Variants in FHIT observed in about 807,000 individuals in gnomAD.
FHIT encodes the protein fragile histidine triad diadenosine triphosphatase.
A neutral mutation model predicts 17.9 loss-of-function variants in FHIT; 19 were observed. The observed-to-expected ratio is 1.06, with a 90% CI of 0.74 to 1.56. The LOEUF (loss-of-function observed/expected upper bound fraction) is 1.56, where lower values mean the gene tolerates loss of function less well. FHIT is among the 40% of genes most tolerant of loss of function. The pLI is 0.00. For synonymous variants in FHIT, 81 were observed against 69.7 expected (o/e 1.16, Z -0.81); for missense variants, 248 against 189.2 (o/e 1.31, Z -1.82).
At chr3:60,061,231 C>T (rs1337772149) in intron 5 of FHIT, among the ~76,000 whole-genome samples, 1 of 152,284 alleles carries the variant, frequency 6.6e-6, no homozygotes, top group East Asian at 1.9e-4. Flanking sequence ...CCATAGGTGC[C>T]ACACAGCGAA....
At chr3:60,482,227 G>A (rs1468995873) in intron 5 of FHIT, among the ~76,000 whole-genome samples, 1 of 152,006 alleles carries the variant, frequency 6.6e-6, no homozygotes, top group Non-Finnish European at 1.5e-5. Flanking sequence ...AATAATAGTG[G>A]GAGACTTTAA....
At chr3:60,134,977 G>T (rs1211595637) in intron 5 of FHIT, among the ~76,000 whole-genome samples, 1 of 152,080 alleles carries the variant, frequency 6.6e-6, no homozygotes. Context: ...AGGAAAAAAG[G>T]GGGGAGGGAG....
Position 61,213,891 on chromosome 3 carries a change from T to C in FHIT, c.-212-13226A>G, listed in dbSNP as rs546604073. ...TCAATTACATGGAAACTGAACAACCTGCTCCTGAATGACTACTGGGTACAT... is the reference window on the plus strand; with the variant it reads ...TCAATTACATGGAAACTGAACAACCCGCTCCTGAATGACTACTGGGTACAT... On this transcript the variant is annotated intron_variant, in intron 1 of 9. Transcript: ENST00000492590. 2.6e-5 allele frequency among the ~76,000 whole-genome samples: 4 copies of C among 152,290 alleles called. No homozygotes were observed. The East Asian group carries it at 7.7e-4, about 29-fold the overall frequency.
chr3:60,137,743 A>AATT (rs2107288589), intron 5 of FHIT, among the ~76,000 whole-genome samples: 1 of 139,372 alleles, frequency 7.2e-6, no homozygotes, highest in African/African-American at 3.1e-5. Flanking sequence ...CAGACAAGTC[A>AATT]GCACTGGATC....
intron 5 of FHIT, chr3:60,080,661 T>G (rs956071437): frequency 6.6e-6 from 1 of 152,066 alleles, no homozygotes; most frequent in Middle Eastern, 3.2e-3. Context: ...CTGAGCCTGT[T>G]TGAATTCATA....
At chr3:59,757,907 G>A (rs574069563) in intron 8 of FHIT, among the ~76,000 whole-genome samples, 2 of 152,064 alleles carry the variant, frequency 1.3e-5, no homozygotes, top group Non-Finnish European at 2.9e-5. Flanking sequence ...ATGAACACAT[G>A]ATATATTCCA....
At chr3:60,945,837 T>C (rs1344783479) in intron 3 of FHIT, among the ~76,000 whole-genome samples, 2 of 152,080 alleles carry the variant, frequency 1.3e-5, no homozygotes, top group Non-Finnish European at 2.9e-5. Flanking sequence ...GGATGGCCAT[T>C]GGAGAGTTGA....
chr3:60,694,974 A>T (rs1553700292), intron 4 of FHIT, among the ~76,000 whole-genome samples: 1 of 152,194 alleles, frequency 6.6e-6, no homozygotes. Flanking sequence ...TGACGGGTTA[A>T]TGGGTGCAGC....
intron 8 of FHIT, among the ~76,000 whole-genome samples, chr3:59,838,070 T>C (rs1701401813): frequency 2.0e-5 from 3 of 152,108 alleles, no homozygotes; most frequent in African/African-American, 7.2e-5. Context: ...TCCATTTTCC[T>C]CACTGCTCTC....
chr3:59,905,042 T>C (rs1704521959), intron 8 of FHIT, among the ~76,000 whole-genome samples: 1 of 152,196 alleles, frequency 6.6e-6, no homozygotes, highest in Admixed American at 6.5e-5. Flanking sequence ...AGTCTGAGGA[T>C]TTAACTTGTA....
At chr3:60,363,732 T>G (rs954632443) in intron 5 of FHIT, among the ~76,000 whole-genome samples, 26 of 152,176 alleles carry the variant, frequency 1.7e-4, no homozygotes, top group African/African-American at 6.3e-4. Flanking sequence ...CTGGCCTCCG[T>G]GAACTCCAAC....
chr3:61,123,565 G>T (rs1039000301), intron 2 of FHIT, among the ~76,000 whole-genome samples: 1 of 152,018 alleles, frequency 6.6e-6, no homozygotes, highest in African/African-American at 2.4e-5. Context: ...GTGATAAGAT[G>T]TTAACATAAA....
chr3:59,795,400 C>G (rs1245287306), intron 8 of FHIT, among the ~76,000 whole-genome samples: 1 of 147,888 alleles, frequency 6.8e-6, no homozygotes. Context: ...AAAAAAATAC[C>G]ATAACATTTT....
At chr3:60,049,223 A>G (rs893716302) in intron 5 of FHIT, among the ~76,000 whole-genome samples, 1 of 152,146 alleles carries the variant, frequency 6.6e-6, no homozygotes, top group African/African-American at 2.4e-5. Context: ...TTCTTCTTCT[A>G]TTTGTTTACA....
intron 5 of FHIT, among the ~76,000 whole-genome samples, chr3:60,315,683 C>G (rs73101279): frequency 9.9e-4 from 151 of 152,276 alleles, no homozygotes; most frequent in Non-Finnish European, 1.5e-3. Flanking sequence ...CTACAATTAT[C>G]CATTCTGCTG....
intron 3 of FHIT, among the ~76,000 whole-genome samples, chr3:61,007,877 C>A (rs949901710): frequency 6.6e-6 from 1 of 152,126 alleles, no homozygotes; most frequent in Non-Finnish European, 1.5e-5. Context: ...GGCCCCCACC[C>A]AGGGTCCATA....
At chr3:59,752,111 C>G in intron 9 of FHIT, 110 bp downstream of exon 9, 1 of 708,828 alleles carries the variant, frequency 1.4e-6, no homozygotes, top group Non-Finnish European at 2.3e-6. Flanking sequence ...TTTGCAGCCA[C>G]CACCCAAGGA....
intron 8 of FHIT, among the ~76,000 whole-genome samples, chr3:59,901,966 G>C (rs143498469): frequency 6.6e-6 from 1 of 152,250 alleles, no homozygotes; most frequent in Non-Finnish European, 1.5e-5. Context: ...ATAAAAAGAA[G>C]TTTGTGAAGA....
chr3:61,242,367 T>C (rs760961244), intron 1 of FHIT, among the ~76,000 whole-genome samples: 13 of 152,012 alleles, frequency 8.6e-5, no homozygotes, highest in Admixed American at 2.0e-4. Flanking sequence ...AGGTGACATA[T>C]TTTCTATAAA....
Sources: gnomAD v4.1 joint callset for allele counts (sites outside exome capture counted in the v4.1 genomes callset) on GRCh38, gnomAD v4.1.1 for gene constraint, MANE v1.5 for transcripts, NCBI Gene and HGNC (gene_info 2026-07-23, HGNC 2026-07-21) for gene names.